Variants in EFEMP1 observed in about 807,000 individuals in gnomAD.
EFEMP1 encodes the protein EGF-containing fibulin-like extracellular matrix protein 1.
EFEMP1 carries 18 observed loss-of-function variants against 65.7 expected under a neutral mutation model. That is an observed-to-expected ratio of 0.27 (90% CI 0.19 to 0.41). EFEMP1 has a LOEUF of 0.41. Ranked by LOEUF, EFEMP1 falls within the 10% of genes least tolerant of loss-of-function variation. EFEMP1 has a pLI of 1.00. For missense variants in EFEMP1, 469 were observed against 624.8 expected (o/e 0.75, Z 2.66); for synonymous variants, 237 against 219.7 (o/e 1.08, Z -0.70).
At chr2:55,881,051 G>A (rs1472789706) in intron 6 of EFEMP1, among the ~76,000 whole-genome samples, 1 of 152,208 alleles carries the variant, frequency 6.6e-6, no homozygotes, top group Non-Finnish European at 1.5e-5. Context: ...AGAATACAAC[G>A]ATAGCAAACA....
At chr2:55,902,442 G>A (rs1670074588) in intron 5 of EFEMP1, among the ~76,000 whole-genome samples, 1 of 152,180 alleles carries the variant, frequency 6.6e-6, no homozygotes, top group Admixed American at 6.5e-5. Context: ...TTTAGTGCTG[G>A]CACCTTTACA....
chr2:55,876,523 T>C (rs1440961271), intron 8 of EFEMP1, 100 bp downstream of exon 8: 5 of 1,517,230 alleles, frequency 3.3e-6, no homozygotes, highest in Non-Finnish European at 4.5e-6. Flanking sequence ...AGAATTCCCA[T>C]GGGTAAGCGT....
At chr2:55,899,920 T>A (rs1380846651) in intron 5 of EFEMP1, among the ~76,000 whole-genome samples, 1 of 152,234 alleles carries the variant, frequency 6.6e-6, no homozygotes, top group Non-Finnish European at 1.5e-5. Flanking sequence ...TTATAATTTT[T>A]TTTCTTCTGA....
intron 5 of EFEMP1, among the ~76,000 whole-genome samples, chr2:55,908,146 T>C (rs72811703): frequency 0.06 from 9,134 of 152,290 alleles, 449 homozygotes; most frequent in African/African-American, 0.13. Flanking sequence ...TTAAATCACC[T>C]GTACACAACT....
chr2:55,871,290 G>C lies in EFEMP1; in HGVS notation c.1001-167C>G, dbSNP rs1229333289. ...CTGGGTGTTCATTGTATTGAATTCA[G>C]GACAGACAGAGCTGAGACATTCTAG... On this transcript the variant is annotated intron_variant, in intron 9 of 11. Transcript: ENST00000355426. This position sits in a 1 kb window ranked among gnomAD's most constrained non-coding sequence, Gnocchi z 4.2. Among the ~76,000 whole-genome samples the C allele has an allele frequency of 6.6e-6, 1 of 152,044 alleles. No homozygotes were observed. The highest frequency in any genetic ancestry group is 2.4e-5 in the African/African-American group (1 of 41,422).
In EFEMP1 at chr2:55,916,178, C is replaced by T. The variant is rs369605498; in HGVS notation, c.517+1487G>A. Among the ~76,000 whole-genome samples the T allele has an allele frequency of 4.7e-5, 7 of 147,690 alleles. No individual in the cohort carries two copies. In the East Asian group the frequency reaches 9.9e-4, roughly 21 times the overall value. On this transcript the variant is annotated intron_variant, in intron 5 of 11. Coordinates refer to ENST00000355426, the MANE Select transcript of EFEMP1 (RefSeq NM_001039348.3). The stretch of plus-strand genomic sequence containing the variant: ...AGGCTGGAGTGCAGTAGCATGATCT[C>T]GGCTCACTGCAACCTTCACCTCCCA...
chr2:55,892,860 T>C (rs1379375103), intron 5 of EFEMP1, among the ~76,000 whole-genome samples: 1 of 152,150 alleles, frequency 6.6e-6, no homozygotes, highest in South Asian at 2.1e-4. Flanking sequence ...TCTACGTTCT[T>C]AGATCTGTTA....
Position 55,922,527 on chromosome 2 carries a change from G to T in EFEMP1, c.-7-80C>A. ...CAAAACTTTAGCAGTGAGCACAAGC[G>T]AGGAAAGGAGGGTGGGAGAGGCTGA... On this transcript the variant is annotated intron_variant, in intron 2 of 11. Transcript: ENST00000355426. The surrounding 1 kb of genome is among the most constrained non-coding windows in gnomAD (Gnocchi z 5.5). 7.8e-7 allele frequency: 1 copy of T among 1,285,726 alleles called. No homozygotes were observed. The highest frequency in any genetic ancestry group is 1.2e-5 in the South Asian group (1 of 83,942). The allele number at this position is 1,285,726 out of a possible 1,614,324, so 79.6% of individuals were successfully genotyped here.
chr2:55,895,903 T>C (rs1381043730), intron 5 of EFEMP1, among the ~76,000 whole-genome samples: 8 of 152,168 alleles, frequency 5.3e-5, no homozygotes, highest in Admixed American at 5.2e-4. Context: ...CTCTACTGAC[T>C]TGGGGCAATG....
chr2:55,898,563 T>C (rs1346791), intron 5 of EFEMP1, among the ~76,000 whole-genome samples: 60,515 of 151,812 alleles, frequency 0.4, 12,538 homozygotes, highest in East Asian at 0.77. Context: ...CCCTTACCAC[T>C]AATGCTCCCC....
chr2:55,880,751 C>T (rs1669208490), intron 6 of EFEMP1, among the ~76,000 whole-genome samples: 1 of 152,210 alleles, frequency 6.6e-6, no homozygotes, highest in African/African-American at 2.4e-5. Context: ...TAGTGCTGGG[C>T]CTCATGATTG....
At chr2:55,908,906 T>G (rs1572840499) in intron 5 of EFEMP1, among the ~76,000 whole-genome samples, 1 of 152,274 alleles carries the variant, frequency 6.6e-6, no homozygotes, top group South Asian at 2.1e-4. Context: ...AGAATTCTAG[T>G]GTTCCCAATT....
In EFEMP1 at chr2:55,866,064, G is replaced by C. The variant is rs1392120006; in HGVS notation, c.*1009C>G. 1.3e-5 allele frequency: 2 copies of C among 152,140 alleles called. No individual in the cohort carries two copies. The highest frequency in any genetic ancestry group is 4.8e-5 in the African/African-American group (2 of 41,442). 9.4% of individuals were successfully genotyped at this position (152,140 alleles called of 1,614,324 possible). A position where few individuals can be genotyped will look rare whatever the true frequency, so the allele number is the denominator to read the frequency against. ...AAGGAGACGTATAAAATATTCCATA[G>C]AATTGGGTAGGAGGGTAATTTGCTT... is the stretch of plus-strand genomic sequence containing the variant. On this transcript the variant is annotated 3_prime_UTR_variant, in exon 12 of 12. Transcript: ENST00000355426.
At position 55,886,310 on chromosome 2, in the gene EFEMP1, T is replaced by C. The variant is rs201236821; in HGVS notation, c.518-4576A>G. ...GATTCTTCACAATATACTTTTTTTG[T>C]TTCCAGACTGTAAACCCCTGGAGTA... On this transcript the variant is annotated intron_variant, in intron 5 of 11. Transcript: ENST00000355426. This position sits in a 1 kb window ranked among gnomAD's most constrained non-coding sequence, Gnocchi z 4.0. Among the ~76,000 whole-genome samples the C allele has an allele frequency of 6.6e-6, 1 of 152,196 alleles. No homozygotes were observed. The highest frequency in any genetic ancestry group is 1.9e-4 in the East Asian group (1 of 5,200).
In EFEMP1 at chr2:55,867,205, C is replaced by T. The variant is rs147448993; in HGVS notation, c.1350G>A (p.Val450=). 17 of 1,613,920 alleles carry T rather than the reference C, an allele frequency of 1.1e-5. No individual in the cohort carries two copies. The highest frequency in any genetic ancestry group is 1.4e-5 in the Non-Finnish European group (17 of 1,179,922). ...TTGGTCCTGATAATGACTTCACGAG[C>T]ACAAGCATTGCACTTACAGGACTTG... is the stretch of plus-strand genomic sequence containing the variant. The part of the protein sequence containing the change: ...RQTSPVSAML[V]LVKSLSGPRE... The change falls in exon 12 of 12, where the codon GTG becomes GTA. Residue 450 remains valine, a synonymous_variant. Coordinates refer to ENST00000355426, the MANE Select transcript of EFEMP1 (RefSeq NM_001039348.3). The surrounding 1 kb of genome is among the most constrained non-coding windows in gnomAD (Gnocchi z 4.3).
chr2:55,902,313 A>G (rs1432672121), intron 5 of EFEMP1, among the ~76,000 whole-genome samples: 1 of 143,690 alleles, frequency 7.0e-6, no homozygotes, highest in Non-Finnish European at 1.5e-5. Flanking sequence ...AAATTCCAAA[A>G]GGTGAAATGA....
At chr2:55,888,334 C>CTTTTTTTTTTTTTTTTTTT (rs71713705) in intron 5 of EFEMP1, among the ~76,000 whole-genome samples, 3 of 114,308 alleles carry the variant, frequency 2.6e-5, no homozygotes, top group Non-Finnish European at 1.7e-5. Flanking sequence ...CCTTCTTAAA[C>CTTTTTTTTTTTTTTTTTTT]TTTTTTTTTT....
intron 5 of EFEMP1, among the ~76,000 whole-genome samples, chr2:55,888,069 G>A (rs988446340): frequency 6.6e-6 from 1 of 152,096 alleles, no homozygotes; most frequent in Non-Finnish European, 1.5e-5. Flanking sequence ...GCATGTGAAC[G>A]ACCAATCTGT....
Position 55,886,325 on chromosome 2 carries a change from C to A in EFEMP1, c.518-4591G>T, listed in dbSNP as rs1007935948. On this transcript the variant is annotated intron_variant, in intron 5 of 11. Coordinates refer to ENST00000355426, the MANE Select transcript of EFEMP1 (RefSeq NM_001039348.3). The surrounding 1 kb of genome is among the most constrained non-coding windows in gnomAD (Gnocchi z 4.0). Reference sequence around the variant, plus strand: ...ACTTTTTTTGTTTCCAGACTGTAAACCCCTGGAGTAAAATAACCGTATCTT... The same window carrying A: ...ACTTTTTTTGTTTCCAGACTGTAAAACCCTGGAGTAAAATAACCGTATCTT... Among the ~76,000 whole-genome samples the A allele has an allele frequency of 8.6e-5, 13 of 152,026 alleles. No individual in the cohort carries two copies. The highest frequency in any genetic ancestry group is 1.6e-4 in the Non-Finnish European group (11 of 68,010).
Sources: gnomAD v4.1 joint callset for allele counts (sites outside exome capture counted in the v4.1 genomes callset) on GRCh38, gnomAD v4.1.1 for gene constraint, Gnocchi (gnomAD v3.1) non-coding constraint, MANE v1.5 for transcripts, NCBI Gene and HGNC (gene_info 2026-07-23, HGNC 2026-07-21) for gene names.